TF: variants seen among roughly 807,000 people sequenced by gnomAD.
TF encodes serotransferrin.
TF carries 55 observed loss-of-function variants against 82.4 expected under a neutral mutation model. That is an observed-to-expected ratio of 0.67 (90% CI 0.54 to 0.84). The LOEUF (loss-of-function observed/expected upper bound fraction) is 0.84, where lower values mean the gene tolerates loss of function less well. Ranked by LOEUF, TF falls within the 40% of genes least tolerant of loss-of-function variation. TF has a pLI of 0.00. For missense variants in TF, 737 were observed against 868.4 expected (o/e 0.85, Z 1.90); for synonymous variants, 332 against 332.6 (o/e 1.00, Z 0.02).
chr3:133,762,684 C>T (rs774370397), intron 9 of TF, among the ~76,000 whole-genome samples: 3 of 152,024 alleles, frequency 2.0e-5, no homozygotes, highest in African/African-American at 4.8e-5. Context: ...GCTATTTGGG[C>T]GTGTCTGAAA....
the TF span, among the ~76,000 whole-genome samples, chr3:133,675,258 A>AG: frequency 8.6e-5 from 13 of 151,716 alleles, no homozygotes; most frequent in African/African-American, 1.7e-4. Context: ...AAAAAAAAAA[A>AG]AAAAAAAAGA....
chr3:133,759,418 G>T (rs746212683), intron 9 of TF, 89 bp downstream of exon 9: 469 of 1,556,714 alleles, frequency 3.0e-4, no homozygotes, highest in Non-Finnish European at 4.0e-4. Flanking sequence ...TCCTGGGAAT[G>T]ATGCAAAAAC....
intron 1 of TF, 147 bp from the exon 2 acceptor site, chr3:133,748,265 A>G: frequency 9.8e-7 from 1 of 1,020,022 alleles, no homozygotes; most frequent in Non-Finnish European, 1.5e-6. Flanking sequence ...AGAATGCAGT[A>G]GAACTTGTGC....
rs1238315016 is a variant in TF, at chr3:133,787,342, A to G, written c.*8722A>G. The G allele has an allele frequency of 1.3e-5, 2 of 152,204 alleles. No individual in the cohort carries two copies. The highest frequency in any genetic ancestry group is 2.9e-5 in the Non-Finnish European group (2 of 68,028). 9.4% of individuals were successfully genotyped at this position (152,204 alleles called of 1,614,324 possible). On this transcript the variant is annotated 3_prime_UTR_variant, in exon 17 of 17. Coordinates refer to ENST00000402696, the MANE Select transcript of TF (RefSeq NM_001063.4). The stretch of plus-strand genomic sequence containing the variant: ...GCGTTACACATGCCTGTACCTGTCC[A>G]CTGGATTGAAGACAGAGAGAAGGGA...
At chr3:133,690,482 G>A in the TF span, among the ~76,000 whole-genome samples, 23 of 152,240 alleles carry the variant, frequency 1.5e-4, no homozygotes, top group African/African-American at 5.1e-4. Context: ...AAATTGGTAC[G>A]CATTGCTATT....
chr3:133,746,100 GC>G, upstream of TF: 4 of 448,848 alleles, frequency 8.9e-6, no homozygotes, highest in Admixed American at 6.9e-5. Context: ...CAGGAGCAGA[GC>G]CCCCCGGCTC....
In TF at chr3:133,766,403, C is replaced by T. The variant is rs771354238; in HGVS notation, c.1456C>T (p.Leu486Phe). 3.1e-6 allele frequency: 5 copies of T among 1,614,084 alleles called. No homozygotes were observed. In the East Asian group the frequency reaches 8.9e-5, roughly 29 times the overall value. ...TAGWNIPMGL[L>F]YNKINHCRFD... ...TGGCTGGAACATCCCCATGGGCCTGCTCTACAATAAGATCAACCACTGCAG... is the reference window on the plus strand; with the variant it reads ...TGGCTGGAACATCCCCATGGGCCTGTTCTACAATAAGATCAACCACTGCAG... The change falls in exon 12 of 17, where the codon CTC becomes TTC. Residue 486 changes from leucine to phenylalanine, a missense_variant. By Grantham distance (22) the Leu-to-Phe change is conservative. Transcript: ENST00000402696.
chr3:133,714,681 T>A, the TF span, among the ~76,000 whole-genome samples: 1 of 152,116 alleles, frequency 6.6e-6, no homozygotes, highest in African/African-American at 2.4e-5. Flanking sequence ...AGTTGTTTTT[T>A]TGTTTGTTTG....
chr3:133,679,569 CTTTTT>C, the TF span, among the ~76,000 whole-genome samples: 1 of 75,382 alleles, frequency 1.3e-5, no homozygotes, highest in South Asian at 5.4e-4. Context: ...CTTTGTTTGG[CTTTTT>C]TTTTTTTTTT....
intron 16 of TF, chr3:133,778,296 C>T (rs1934444665): frequency 2.7e-6 from 1 of 364,762 alleles, no homozygotes; most frequent in African/African-American, 2.1e-5. Context: ...CTGGGCGACT[C>T]CTGGCCTCAG....
At chr3:133,664,808 C>G in the TF span, 1 of 151,670 alleles carries the variant, frequency 6.6e-6, no homozygotes, top group East Asian at 1.9e-4. Context: ...GTTGGTTGAC[C>G]TCCTCAGATG....
rs773883338 is a variant in TF, at chr3:133,759,190, C to A, written c.1064C>A (p.Thr355Lys). 6.2e-6 allele frequency: 10 copies of A among 1,614,054 alleles called. No individual in the cohort carries two copies. In the East Asian group the frequency reaches 2.0e-4, roughly 32 times the overall value. ...TATGCCATAGGCCCAGAAGCCCCAA[C>A]AGATGAATGCAAGCCTGTGAAGTGG... is the stretch of plus-strand genomic sequence containing the variant. Reference protein sequence around the residue: ...LREGTCPEAPTDECKPVKWCA... With the variant: ...LREGTCPEAPKDECKPVKWCA... Residue 355 changes from threonine to lysine, a missense_variant, in exon 9 of 17, where the codon ACA becomes AAA. Physicochemically the swap from Thr to Lys is moderately conservative, Grantham distance 78. Transcript: ENST00000402696.
intron 14 of TF, 39 bp from the exon 15 acceptor site, chr3:133,775,394 C>T: frequency 6.2e-7 from 1 of 1,612,286 alleles, no homozygotes; most frequent in Non-Finnish European, 8.5e-7. Flanking sequence ...GGCACCTTGA[C>T]CAAAGCCATC....
At chr3:133,758,935 C>A (rs1367121249) in intron 8 of TF, among the ~76,000 whole-genome samples, 1 of 152,056 alleles carries the variant, frequency 6.6e-6, no homozygotes, top group African/African-American at 2.4e-5. Flanking sequence ...TCATATAGTG[C>A]CCAGAGGCTG....
chr3:133,718,234 T>C, the TF span, among the ~76,000 whole-genome samples: 2 of 151,938 alleles, frequency 1.3e-5, no homozygotes, highest in East Asian at 3.9e-4. Context: ...AAGACATAAA[T>C]GTGATGAAAA....
chr3:133,736,268 A>G, the TF span, among the ~76,000 whole-genome samples: 1 of 152,196 alleles, frequency 6.6e-6, no homozygotes, highest in Non-Finnish European at 1.5e-5. Flanking sequence ...AGATTTTGTC[A>G]CCACCAGGCC....
chr3:133,724,185 T>C, the TF span, among the ~76,000 whole-genome samples: 6 of 152,218 alleles, frequency 3.9e-5, no homozygotes, highest in African/African-American at 1.4e-4. Context: ...ACAGGATGGC[T>C]GGGTCAAATG....
rs1199664399 is a variant in TF, at chr3:133,789,136, C to T, written c.*10516C>T. The T allele has an allele frequency of 6.6e-6, 1 of 152,332 alleles. No individual in the cohort carries two copies. Among genetic ancestry groups the T allele is most frequent in the African/African-American group, 2.4e-5 (1 of 41,464 alleles). 9.4% of individuals were successfully genotyped at this position (152,332 alleles called of 1,614,324 possible). A position where few individuals can be genotyped will look rare whatever the true frequency, so the allele number is the denominator to read the frequency against. ...CCCAGGGGATCCTCCAGACTTCAAC[C>T]TCTCCAAAGGGGATGCCCTTGGCAG... On this transcript the variant is annotated 3_prime_UTR_variant, in exon 17 of 17. Coordinates refer to ENST00000402696, the MANE Select transcript of TF (RefSeq NM_001063.4).
intron 14 of TF, among the ~76,000 whole-genome samples, chr3:133,771,743 C>CAAAAAAAAAA (rs71136494): frequency 2.5e-4 from 14 of 56,546 alleles, no homozygotes; most frequent in African/African-American, 9.0e-4. Flanking sequence ...GACTCCGTCT[C>CAAAAAAAAAA]AAAAAAAAAA....
Sources: gnomAD v4.1 joint callset for allele counts (sites outside exome capture counted in the v4.1 genomes callset) on GRCh38, gnomAD v4.1.1 for gene constraint, MANE v1.5 for transcripts, NCBI Gene and HGNC (gene_info 2026-07-23, HGNC 2026-07-21) for gene names.